SNRPN: variants seen among roughly 807,000 people sequenced by gnomAD.
SNRPN encodes small nuclear ribonucleoprotein polypeptide N, also known as small nuclear ribonucleoprotein-associated protein N.
Under a neutral mutation model 25.2 loss-of-function variants are expected in SNRPN, and 7 were observed. The observed-to-expected ratio is 0.28, with a 90% CI of 0.16 to 0.52. The LOEUF (loss-of-function observed/expected upper bound fraction) is 0.52. Ranked by LOEUF, SNRPN falls within the 20% of genes least tolerant of loss-of-function variation. The pLI, the probability that SNRPN is intolerant of heterozygous loss-of-function variation, is 0.96. For missense variants in SNRPN, 196 were observed against 322.5 expected (o/e 0.61, Z 3.00); for synonymous variants, 124 against 110.6 (o/e 1.12, Z -0.76).
chr15:24,896,548 C>A (rs2058090941), intron 2 of SNRPN, among the ~76,000 whole-genome samples: 1 of 151,908 alleles, frequency 6.6e-6, no homozygotes, highest in Non-Finnish European at 1.5e-5. Flanking sequence ...CTCATCTCTA[C>A]TAAAAATACA....
At position 24,975,527 on chromosome 15, in the gene SNRPN, A is replaced by G. The variant is rs531139684; in HGVS notation, c.155+18A>G. 47 of 1,609,230 alleles carry G rather than the reference A, an allele frequency of 2.9e-5. 2 individuals are homozygous for G. The highest frequency in any genetic ancestry group is 2.4e-4 in the South Asian group (22 of 90,856). On this transcript the variant is annotated intron_variant, in intron 5 of 9. Coordinates refer to ENST00000390687, the MANE Select transcript of SNRPN (RefSeq NM_003097.6). ...AAGATCAAGTAAGGCTGATTTGGGC[A>G]AATGGGGGTTGGACACAGAGGCAGT...
At chr15:24,948,568 T>C (rs2062027091) in intron 3 of SNRPN, among the ~76,000 whole-genome samples, 1 of 152,276 alleles carries the variant, frequency 6.6e-6, no homozygotes, top group African/African-American at 2.4e-5. Context: ...CAGATGTCTT[T>C]GGTTTTTCTA....
chr15:24,882,245 A>T (rs994678949), intron 1 of SNRPN, among the ~76,000 whole-genome samples: 7 of 152,194 alleles, frequency 4.6e-5, no homozygotes, highest in Non-Finnish European at 7.3e-5. Flanking sequence ...TTTAAAAAAA[A>T]AATTCAGTTA....
chr15:24,835,093 T>TATATATAGTATATGTATCTATATAAA (rs1566807559), intron 2 of SNRPN, among the ~76,000 whole-genome samples: 1 of 10,894 alleles, frequency 9.2e-5, no homozygotes, highest in Non-Finnish European at 1.9e-4. Flanking sequence ...ATATAAAATA[T>TATATATAGTATATGTATCTATATAAA]ATAGATATAT....
intron 3 of SNRPN, among the ~76,000 whole-genome samples, chr15:24,940,418 C>T (rs564711094): frequency 6.6e-6 from 1 of 152,124 alleles, no homozygotes; most frequent in Non-Finnish European, 1.5e-5. Flanking sequence ...CATTCTTTTG[C>T]ATGTGGATAT....
In SNRPN at chr15:24,827,135, G is replaced by A. The variant is rs878868738; in HGVS notation, c.-686-2663G>A. On this transcript the variant is annotated intron_variant, in intron 1 of 12. Coordinates refer to the SNRPN transcript ENST00000400100. Reference sequence around the variant, plus strand: ...TATCATGAGTGGATTTTGCAGGACCGGAAGTTCATCCAGGTGAGTGAGTGA... The same window carrying A: ...TATCATGAGTGGATTTTGCAGGACCAGAAGTTCATCCAGGTGAGTGAGTGA... 4.6e-5 allele frequency among the ~76,000 whole-genome samples: 7 copies of A among 152,004 alleles called. 1 individual carries two copies. The highest frequency in any genetic ancestry group is 1.9e-4 in the East Asian group (1 of 5,196).
intron 1 of SNRPN, among the ~76,000 whole-genome samples, chr15:24,875,949 G>C (rs545656035): frequency 6.6e-6 from 1 of 151,766 alleles, no homozygotes; most frequent in Non-Finnish European, 1.5e-5. Context: ...AGCTACTCGG[G>C]AGGCTGAGGC....
intron 2 of SNRPN, among the ~76,000 whole-genome samples, chr15:24,963,838 C>A (rs564615282): frequency 6.6e-6 from 1 of 151,922 alleles, no homozygotes; most frequent in Non-Finnish European, 1.5e-5. Context: ...AGGTGGAGAC[C>A]AGCCTGGGCA....
intron 3 of SNRPN, among the ~76,000 whole-genome samples, chr15:24,943,030 T>C (rs2061653645): frequency 1.3e-5 from 2 of 148,770 alleles, no homozygotes; most frequent in African/African-American, 5.0e-5. Context: ...GTCTTTACCT[T>C]TTTTTTTTTT....
At chr15:24,884,779 C>G (rs1393326723) in intron 1 of SNRPN, among the ~76,000 whole-genome samples, 1 of 152,034 alleles carries the variant, frequency 6.6e-6, no homozygotes, top group Non-Finnish European at 1.5e-5. Flanking sequence ...AAGCCAATTT[C>G]AAAATGTTTG....
intron 2 of SNRPN, among the ~76,000 whole-genome samples, chr15:24,894,758 G>A (rs2057965842): frequency 6.6e-6 from 1 of 152,134 alleles, no homozygotes; most frequent in South Asian, 2.1e-4. Context: ...GCTGACTTTG[G>A]TGAAAATTCT....
At chr15:24,922,383 C>T (rs1050790340) in intron 3 of SNRPN, among the ~76,000 whole-genome samples, 4 of 152,296 alleles carry the variant, frequency 2.6e-5, no homozygotes, top group Admixed American at 2.0e-4. Context: ...GAACCCAGAA[C>T]TATTTTTCTC....
At position 24,929,969 on chromosome 15, in the gene SNRPN, C is replaced by T. The variant is rs1280563994; in HGVS notation, c.-391+9845C>T. The stretch of plus-strand genomic sequence containing the variant: ...TTGGGAGGCCAAGGCGGGTGGATCA[C>T]GAGGTCAGGAGATCAAGACCCTCCT... On this transcript the variant is annotated intron_variant, in intron 3 of 11. Transcript: ENST00000400097. The surrounding 1 kb of genome is among the most constrained non-coding windows in gnomAD (Gnocchi z 5.3). 3.9e-5 allele frequency among the ~76,000 whole-genome samples: 6 copies of T among 151,942 alleles called. No homozygotes were observed. Among genetic ancestry groups the T allele is most frequent in the South Asian group, 2.1e-4 (1 of 4,810 alleles).
intron 2 of SNRPN, among the ~76,000 whole-genome samples, chr15:24,910,457 A>C (rs972422067): frequency 6.6e-6 from 1 of 152,076 alleles, no homozygotes; most frequent in Non-Finnish European, 1.5e-5. Flanking sequence ...TCTGGGCAAC[A>C]GAGTGAGATC....
At chr15:24,909,725 C>T (rs1322779280) in intron 2 of SNRPN, 41 of 1,251,380 alleles carry the variant, frequency 3.3e-5, no homozygotes, top group South Asian at 1.2e-4. Flanking sequence ...CAAGCGTTTC[C>T]GAGTATCGTA....
chr15:24,961,692 T>C (rs1437926931), intron 1 of SNRPN, among the ~76,000 whole-genome samples: 5 of 152,230 alleles, frequency 3.3e-5, no homozygotes, highest in Admixed American at 2.0e-4. Flanking sequence ...TCTATTCCAC[T>C]ATATAAGTAT....
intron 2 of SNRPN, among the ~76,000 whole-genome samples, chr15:24,901,854 C>T (rs1489954084): frequency 6.6e-6 from 1 of 151,904 alleles, no homozygotes; most frequent in Non-Finnish European, 1.5e-5. Flanking sequence ...TGTAATGAGG[C>T]GAGAAGGGAC....
chr15:24,834,728 C>CTCTCCCTCTCTCTCTCT (rs2050864758), intron 2 of SNRPN, among the ~76,000 whole-genome samples: 2 of 42,774 alleles, frequency 4.7e-5, no homozygotes, highest in Non-Finnish European at 8.9e-5. Flanking sequence ...TCTCTCTCTC[C>CTCTCCCTCTCTCTCTCT]CTCTCTCTCT....
chr15:24,975,571 C>G, intron 5 of SNRPN, 62 bp downstream of exon 5: 1 of 1,415,100 alleles, frequency 7.1e-7, no homozygotes, highest in Non-Finnish European at 9.9e-7. Flanking sequence ...AAGGCCAGAG[C>G]TGGAGTAAGG....
Sources: gnomAD v4.1 joint callset for allele counts (sites outside exome capture counted in the v4.1 genomes callset) on GRCh38, gnomAD v4.1.1 for gene constraint, Gnocchi (gnomAD v3.1) non-coding constraint, MANE v1.5 for transcripts, NCBI Gene and HGNC (gene_info 2026-07-23, HGNC 2026-07-21) for gene names.